The following GOLGA6D variants were observed in gnomAD, a reference collection of about 807,000 sequenced individuals.
The protein encoded by GOLGA6D is golgin A6 family member D, also known as golgin subfamily A member 6D.
In GOLGA6D, 9 loss-of-function variants were observed where a neutral mutation model predicts 42.1. The observed-to-expected ratio is 0.21, with a 90% confidence interval of 0.13 to 0.37. GOLGA6D has a LOEUF of 0.37. GOLGA6D is among the 10% of genes least tolerant of loss of function. GOLGA6D has a pLI of 1.00. For missense variants in GOLGA6D, 87 were observed against 420.8 expected, an observed-to-expected ratio of 0.21 and a Z score of 6.94; for synonymous variants, 39 against 167.3, an observed-to-expected ratio of 0.23 and a Z score of 5.92.
At position 75,289,364 on chromosome 15, in the gene GOLGA6D, C is replaced by T. The variant is rs771219598; in HGVS notation, c.565-33C>T. 7.1e-6 allele frequency: 11 copies of T among 1,547,720 alleles called. 1 individual carries two copies. In the South Asian group the frequency reaches 1.2e-4, roughly 18 times the overall value. ...TTTTAAGGGGCACTGCCCGAGCTCCCCAGATCAAAACTTCTCACTCTTCAC... is the reference window on the plus strand; with the variant it reads ...TTTTAAGGGGCACTGCCCGAGCTCCTCAGATCAAAACTTCTCACTCTTCAC... On this transcript the variant is annotated intron_variant, in intron 7 of 17. Coordinates refer to ENST00000434739, the MANE Select transcript of GOLGA6D (RefSeq NM_001145224.3).
chr15:75,276,431 A>C, the GOLGA6D span, among the ~76,000 whole-genome samples: 7 of 138,568 alleles, frequency 5.1e-5, no homozygotes, highest in South Asian at 2.3e-4. Flanking sequence ...CCCCACCCCC[A>C]GGTACGTGCC....
intron 14 of GOLGA6D, 62 bp from the exon 15 acceptor site, chr15:75,293,666 GA>G: frequency 9.2e-7 from 1 of 1,089,586 alleles, no homozygotes; most frequent in Admixed American, 1.9e-5. Flanking sequence ...CATGGGCCAA[GA>G]AAAGTGGGGG....
rs758152768 is a variant in GOLGA6D, at chr15:75,294,407, G to T, written c.2014G>T (p.Gly672Cys). ...GCCTGCACCAGGAGTGGCCAGGGAGGGTTCTCCCCATAACAACCCCACTGT... is the reference window on the plus strand; with the variant it reads ...GCCTGCACCAGGAGTGGCCAGGGAGTGTTCTCCCCATAACAACCCCACTGT... ...VEPAPGVARE[G>C]SPHNNPTVQQ... The change falls in exon 18 of 18, where the codon GGT becomes TGT. Residue 672 changes from glycine to cysteine, a missense_variant. Transcript: ENST00000434739. 5 of 1,599,508 alleles carry T rather than the reference G, an allele frequency of 3.1e-6. No homozygotes were observed. The highest frequency in any genetic ancestry group is 4.2e-6 in the Non-Finnish European group (5 of 1,176,560).
upstream of GOLGA6D, among the ~76,000 whole-genome samples, chr15:75,278,825 T>G (rs1412057491): frequency 6.6e-6 from 1 of 151,694 alleles, no homozygotes; most frequent in African/African-American, 2.4e-5. Flanking sequence ...AGACACATGC[T>G]CATACTTATT....
upstream of GOLGA6D, among the ~76,000 whole-genome samples, chr15:75,278,142 A>G (rs2070832995): frequency 1.1e-5 from 1 of 91,076 alleles, no homozygotes; most frequent in Non-Finnish European, 2.0e-5. Context: ...ACCCCCCACC[A>G]CAGTATGACG....
chr15:75,288,335 G>A lies in GOLGA6D; in HGVS notation c.535G>A (p.Val179Met). The change falls in exon 7 of 18, where the codon GTG becomes ATG. Residue 179 changes from valine (V) to methionine (M), a missense_variant. Val to Met is a conservative substitution (Grantham distance 21, BLOSUM62 1). Coordinates refer to ENST00000434739, the MANE Select transcript of GOLGA6D (RefSeq NM_001145224.3). ...IQELERALCA[V>M]STQQQEEDRS... ...AGAATTGGAGCGGGCTCTCTGTGCT[G>A]TGTCTACACAGCAGCAGGAAGAGGA... 6.4e-7 allele frequency: 1 copy of A among 1,566,428 alleles called. No homozygotes were observed. Among genetic ancestry groups the A allele is most frequent in the Non-Finnish European group, 8.6e-7 (1 of 1,166,214 alleles).
rs1465501857 is a variant in GOLGA6D at position 75,289,279 on chromosome 15, G to A, written c.565-118G>A. On this transcript the variant is annotated intron_variant, in intron 7 of 17. Transcript: ENST00000434739. ...TGAGTTCTTTTAATAACCAGGCCAC[G>A]GGCTTGGAAATGCCTTGACCTTTAC... 252 of 675,030 alleles carry A rather than the reference G, an allele frequency of 3.7e-4. 13 individuals carry two copies. The highest frequency in any genetic ancestry group is 1.5e-3 in the South Asian group (94 of 62,648). The allele number at this position is 675,030 out of a possible 1,614,324, so 41.8% of individuals were successfully genotyped here. A position where few individuals can be genotyped will look rare whatever the true frequency, so the allele number is the denominator to read the frequency against.
chr15:75,277,743 C>T, the GOLGA6D span, among the ~76,000 whole-genome samples: 3 of 147,120 alleles, frequency 2.0e-5, no homozygotes, highest in African/African-American at 7.8e-5. Context: ...GTCGAGGCTG[C>T]AGTGAGCTGA....
At chr15:75,278,518 C>T (rs1301923035), upstream of GOLGA6D, among the ~76,000 whole-genome samples, 1 of 150,766 alleles carries the variant, frequency 6.6e-6, no homozygotes, top group Non-Finnish European at 1.5e-5. Flanking sequence ...AGTGCAGGTG[C>T]TAGGCTTGCC....
chr15:75,277,806 A>G, the GOLGA6D span, among the ~76,000 whole-genome samples: 1 of 147,542 alleles, frequency 6.8e-6, no homozygotes, highest in African/African-American at 2.6e-5. Flanking sequence ...TGTCTTAAAA[A>G]AAAAAAAATG....
rs775479930 is a variant in GOLGA6D, at chr15:75,294,372, A to T, written c.1979A>T (p.Asn660Ile). The stretch of plus-strand genomic sequence containing the variant: ...GTTTTTTATGAAGTGAGCCTGGACA[A>T]CAACGTGGAGCCTGCACCAGGAGTG... Reference protein sequence around the residue: ...QDVFYEVSLDNNVEPAPGVAR... With the variant: ...QDVFYEVSLDINVEPAPGVAR... The change falls in exon 18 of 18, where the codon AAC becomes ATC. Residue 660 changes from asparagine (N) to isoleucine (I), a missense_variant. Coordinates refer to ENST00000434739, the MANE Select transcript of GOLGA6D (RefSeq NM_001145224.3). The T allele has an allele frequency of 5.0e-6, 8 of 1,597,796 alleles. No individual in the cohort carries two copies. Among genetic ancestry groups the T allele is most frequent in the Non-Finnish European group, 6.8e-6 (8 of 1,177,792 alleles).
intron 14 of GOLGA6D, 29 bp from the exon 15 acceptor site, chr15:75,293,699 CG>C: frequency 7.5e-7 from 1 of 1,336,046 alleles, no homozygotes; most frequent in Non-Finnish European, 1.1e-6. Context: ...AGGTCACTCC[CG>C]AGGTGTGACC....
At chr15:75,293,689 AG>A (rs1203583240) in intron 14 of GOLGA6D, 39 bp from the exon 15 acceptor site, 1 of 1,244,590 alleles carries the variant, frequency 8.0e-7, no homozygotes, top group African/African-American at 1.8e-5. Context: ...GGGGCAGAAC[AG>A]GTCACTCCCG....
At chr15:75,278,789 G>A (rs569351721), upstream of GOLGA6D, among the ~76,000 whole-genome samples, 1,038 of 151,224 alleles carry the variant, frequency 6.9e-3, 1 homozygote, top group Non-Finnish European at 0.012. Context: ...ATGCAGTGTA[G>A]CATAGATGGT....
intron 7 of GOLGA6D, 114 bp from the exon 8 acceptor site, chr15:75,289,283 T>A: frequency 1.4e-6 from 1 of 725,146 alleles, no homozygotes; most frequent in East Asian, 2.7e-5. Context: ...GGCCACGGGC[T>A]TGGAAATGCC....
At chr15:75,277,889 T>C (rs1230116691), upstream of GOLGA6D, among the ~76,000 whole-genome samples, 1 of 149,462 alleles carries the variant, frequency 6.7e-6, no homozygotes, top group Non-Finnish European at 1.5e-5. Context: ...CAGTGTGTAT[T>C]ACTGATTCAA....
chr15:75,278,971 G>C (rs2070837918), upstream of GOLGA6D, among the ~76,000 whole-genome samples: 1 of 149,026 alleles, frequency 6.7e-6, no homozygotes, highest in South Asian at 2.1e-4. Context: ...CTGATAAGTA[G>C]TTCTTTTGAC....
rs781052872 is a variant in GOLGA6D at position 75,294,481 on chromosome 15, C to G, written c.*6C>G. 2 of 1,567,926 alleles carry G rather than the reference C, an allele frequency of 1.3e-6. No individual in the cohort carries two copies. Among genetic ancestry groups the G allele is most frequent in the Admixed American group, 3.9e-5 (2 of 51,150 alleles). On this transcript the variant is annotated 3_prime_UTR_variant, in exon 18 of 18. Coordinates refer to ENST00000434739, the MANE Select transcript of GOLGA6D (RefSeq NM_001145224.3). Reference sequence around the variant, plus strand: ...CTGTCATGCAGGACACCTAGGAGCACCCAGGCTTGCCCAGCAAACCCTGCG... The same window carrying G: ...CTGTCATGCAGGACACCTAGGAGCAGCCAGGCTTGCCCAGCAAACCCTGCG...
chr15:75,293,508 G>A (rs1463205703), intron 14 of GOLGA6D, among the ~76,000 whole-genome samples: 15 of 144,892 alleles, frequency 1.0e-4, no homozygotes, highest in Admixed American at 4.1e-4. Flanking sequence ...TGTGCTGCCT[G>A]CACCTGGCTC....
Sources: allele counts gnomAD v4.1 joint callset (sites outside exome capture counted in the v4.1 genomes callset), GRCh38; gene constraint gnomAD v4.1.1; transcripts MANE v1.5; gene names NCBI Gene and HGNC (gene_info 2026-07-23, HGNC 2026-07-21).